ASCC3: variants seen among roughly 807,000 people sequenced by gnomAD.
ASCC3 encodes activating signal cointegrator 1 complex subunit 3.
Under a neutral mutation model 256.3 loss-of-function variants are expected in ASCC3, and 158 were observed. The observed-to-expected ratio is 0.62, with a 90% CI of 0.54 to 0.70. The LOEUF (loss-of-function observed/expected upper bound fraction) is 0.70. ASCC3 is among the 30% of genes least tolerant of loss of function. ASCC3 has a pLI of 0.00. For missense variants in ASCC3, 2,259 were observed against 2,626.0 expected (o/e 0.86, Z 3.05); for synonymous variants, 948 against 883.4 (o/e 1.07, Z -1.30).
intron 13 of ASCC3, among the ~76,000 whole-genome samples, chr6:100,706,196 G>GA (rs11408103): frequency 0.97 from 147,580 of 151,582 alleles, 71,975 homozygotes; most frequent in East Asian, 1. Context: ...TAGATAACGT[G>GA]AAAAACTGTT....
intron 36 of ASCC3, among the ~76,000 whole-genome samples, chr6:100,580,399 T>C (rs1482980533): frequency 2.0e-5 from 3 of 152,042 alleles, no homozygotes; most frequent in African/African-American, 4.8e-5. Flanking sequence ...CTTGAAACTA[T>C]GTTTTGATGA....
chr6:100,679,870 T>C (rs1777210759), intron 13 of ASCC3, 118 bp from the exon 14 acceptor site: 2 of 1,151,194 alleles, frequency 1.7e-6, no homozygotes, highest in African/African-American at 3.1e-5. Context: ...AATCACAAAT[T>C]TACGAATTCT....
rs942403410 is a variant in ASCC3 at position 100,508,750 on chromosome 6, T to C, written c.*636A>G. ...CAGCTTGTCTTGAAGTGCCACTCTATATTTTATTTCCCAGTTAACCATGTC... is the reference window on the plus strand; with the variant it reads ...CAGCTTGTCTTGAAGTGCCACTCTACATTTTATTTCCCAGTTAACCATGTC... On this transcript the variant is annotated 3_prime_UTR_variant, in exon 42 of 42. Coordinates refer to ENST00000369162, the MANE Select transcript of ASCC3 (RefSeq NM_006828.4). 6.6e-6 allele frequency: 1 copy of C among 152,342 alleles called. No individual in the cohort carries two copies. Among genetic ancestry groups the C allele is most frequent in the Non-Finnish European group, 1.5e-5 (1 of 68,132 alleles). The allele number at this position is 152,342 out of a possible 1,614,324, so 9.4% of individuals were successfully genotyped here.
intron 4 of ASCC3, among the ~76,000 whole-genome samples, chr6:100,812,050 C>G (rs1047032601): frequency 6.6e-6 from 1 of 152,028 alleles, no homozygotes; most frequent in Non-Finnish European, 1.5e-5. Context: ...TGTGGACATA[C>G]CCAAAGATGC....
intron 4 of ASCC3, among the ~76,000 whole-genome samples, chr6:100,831,667 G>A (rs1431015511): frequency 6.6e-6 from 1 of 152,066 alleles, no homozygotes; most frequent in Non-Finnish European, 1.5e-5. Flanking sequence ...GGAGTAAGGA[G>A]GAATGTGAAG....
intron 7 of ASCC3, 51 bp from the exon 8 acceptor site, chr6:100,798,889 G>C: frequency 6.8e-7 from 1 of 1,473,160 alleles, no homozygotes; most frequent in Non-Finnish European, 9.4e-7. Context: ...TAAAACACTT[G>C]CTCTGGTAAA....
intron 16 of ASCC3, among the ~76,000 whole-genome samples, chr6:100,659,850 T>G (rs1231745074): frequency 6.6e-6 from 1 of 151,672 alleles, no homozygotes; most frequent in East Asian, 1.9e-4. Context: ...ACTTTAGCAT[T>G]TAAGTCTGTT....
At chr6:100,704,390 T>G (rs1460287021) in intron 13 of ASCC3, among the ~76,000 whole-genome samples, 1 of 152,002 alleles carries the variant, frequency 6.6e-6, no homozygotes, top group Non-Finnish European at 1.5e-5. Flanking sequence ...AAATTTGATA[T>G]AGCAGAAACA....
chr6:100,535,058 A>G (rs1164806561), intron 37 of ASCC3, among the ~76,000 whole-genome samples: 1 of 152,218 alleles, frequency 6.6e-6, no homozygotes, highest in Non-Finnish European at 1.5e-5. Context: ...TAACTAATGC[A>G]CCACTCTTCT....
At chr6:100,608,134 ATG>A (rs1773060142) in intron 30 of ASCC3, among the ~76,000 whole-genome samples, 1 of 127,806 alleles carries the variant, frequency 7.8e-6, no homozygotes, top group Non-Finnish European at 1.6e-5. Flanking sequence ...ATACATATAT[ATG>A]TATATATATC....
intron 10 of ASCC3, among the ~76,000 whole-genome samples, chr6:100,741,096 C>T (rs1180193640): frequency 6.6e-6 from 1 of 152,178 alleles, no homozygotes; most frequent in African/African-American, 2.4e-5. Context: ...ATTCCCTCAG[C>T]ATTTGCTTCT....
chr6:100,797,036 C>T (rs549785817), intron 8 of ASCC3, among the ~76,000 whole-genome samples: 1 of 151,998 alleles, frequency 6.6e-6, no homozygotes, highest in East Asian at 1.9e-4. Flanking sequence ...TCTTTTACTC[C>T]AAGAATCCAA....
chr6:100,750,498 T>C (rs1780889193), intron 10 of ASCC3, among the ~76,000 whole-genome samples: 1 of 151,940 alleles, frequency 6.6e-6, no homozygotes, highest in Non-Finnish European at 1.5e-5. Context: ...CCTGGAACTG[T>C]CATGGAATTT....
intron 13 of ASCC3, among the ~76,000 whole-genome samples, chr6:100,697,328 T>A (rs1291792131): frequency 1.3e-5 from 2 of 151,882 alleles, no homozygotes; most frequent in African/African-American, 4.8e-5. Flanking sequence ...AGATGGATAG[T>A]TAAAAAGGGG....
chr6:100,605,525 G>C, intron 33 of ASCC3, 43 bp downstream of exon 33: 2 of 1,375,496 alleles, frequency 1.5e-6, no homozygotes, highest in Non-Finnish European at 2.0e-6. Flanking sequence ...ACACCAACTT[G>C]TGATTAAATA....
intron 10 of ASCC3, among the ~76,000 whole-genome samples, chr6:100,737,414 G>C (rs894837127): frequency 1.3e-5 from 2 of 151,984 alleles, no homozygotes; most frequent in African/African-American, 4.8e-5. Context: ...AGTGTGTGTT[G>C]TTCCCCTACC....
chr6:100,846,050 T>C (rs971788881), intron 4 of ASCC3, among the ~76,000 whole-genome samples: 1 of 152,164 alleles, frequency 6.6e-6, no homozygotes, highest in Non-Finnish European at 1.5e-5. Context: ...TAAAAAGAAA[T>C]AGAAATTAAC....
chr6:100,756,821 T>C (rs1405308168), intron 10 of ASCC3, among the ~76,000 whole-genome samples: 1 of 152,124 alleles, frequency 6.6e-6, no homozygotes, highest in Non-Finnish European at 1.5e-5. Flanking sequence ...AGTGTTCTTA[T>C]ACTCCAACAA....
chr6:100,582,523 C>T (rs1198718127), intron 36 of ASCC3, among the ~76,000 whole-genome samples: 4 of 151,858 alleles, frequency 2.6e-5, no homozygotes, highest in East Asian at 3.9e-4. Flanking sequence ...ACAATCATGT[C>T]GTCTGCAAAC....
Sources: allele counts gnomAD v4.1 joint callset (sites outside exome capture counted in the v4.1 genomes callset), GRCh38; gene constraint gnomAD v4.1.1; transcripts MANE v1.5; gene names NCBI Gene and HGNC (gene_info 2026-07-23, HGNC 2026-07-21).